The following SLC24A2 variants were observed in gnomAD, a reference collection of about 807,000 sequenced individuals.
SLC24A2 encodes solute carrier family 24 member 2.
In SLC24A2, 36 loss-of-function variants were observed where a neutral mutation model predicts 62.0. That is an observed-to-expected ratio of 0.58 (90% CI 0.44 to 0.77). The LOEUF (loss-of-function observed/expected upper bound fraction) is 0.77. SLC24A2 is among the 30% of genes least tolerant of loss of function. The probability of loss-of-function intolerance (pLI) is 0.00; values close to 1 mark genes in which losing one functional copy is unlikely to be tolerated. For missense variants in SLC24A2, 846 were observed against 817.9 expected, an observed-to-expected ratio of 1.03 and a Z score of -0.42; for synonymous variants, 358 against 294.0, an observed-to-expected ratio of 1.22 and a Z score of -2.23.
At chr9:19,921,112 T>C in the SLC24A2 span, among the ~76,000 whole-genome samples, 1 of 151,348 alleles carries the variant, frequency 6.6e-6, no homozygotes, top group Non-Finnish European at 1.5e-5. Flanking sequence ...ATCATCAACC[T>C]GCCACCAACA....
chr9:20,293,919 C>G, the SLC24A2 span, among the ~76,000 whole-genome samples: 1 of 152,150 alleles, frequency 6.6e-6, no homozygotes, highest in Non-Finnish European at 1.5e-5. Context: ...AGGCTCCACA[C>G]AAGAAGGATG....
At chr9:19,607,363 G>C (rs1212325536) in intron 4 of SLC24A2, among the ~76,000 whole-genome samples, 1 of 152,072 alleles carries the variant, frequency 6.6e-6, no homozygotes, top group African/African-American at 2.4e-5. Flanking sequence ...CTAATTTTAT[G>C]GATACTTCAT....
chr9:20,000,792 A>G, the SLC24A2 span, among the ~76,000 whole-genome samples: 1 of 152,208 alleles, frequency 6.6e-6, no homozygotes, highest in South Asian at 2.1e-4. Context: ...AGTTAACAGT[A>G]AAATGTGAGA....
At chr9:19,553,606 A>G (rs908368327) in intron 7 of SLC24A2, among the ~76,000 whole-genome samples, 76 of 152,162 alleles carry the variant, frequency 5.0e-4, no homozygotes, top group African/African-American at 1.8e-3. Flanking sequence ...AGAACTTAAA[A>G]GAGTCAGTGC....
chr9:20,207,688 T>C, the SLC24A2 span, among the ~76,000 whole-genome samples: 2 of 152,244 alleles, frequency 1.3e-5, no homozygotes, highest in Non-Finnish European at 2.9e-5. Flanking sequence ...ATGCTTTATA[T>C]CCATGATGTT....
intron 2 of SLC24A2, among the ~76,000 whole-genome samples, chr9:19,661,940 G>T (rs1174285136): frequency 6.6e-6 from 1 of 152,140 alleles, no homozygotes; most frequent in Non-Finnish European, 1.5e-5. Context: ...AATAGACATT[G>T]CACATTCCAC....
At chr9:20,206,778 C>T in the SLC24A2 span, among the ~76,000 whole-genome samples, 27 of 152,026 alleles carry the variant, frequency 1.8e-4, no homozygotes, top group Admixed American at 8.5e-4. Context: ...TTCGCCTGGC[C>T]GCTTTATTAC....
At chr9:19,885,875 T>C in the SLC24A2 span, among the ~76,000 whole-genome samples, 1 of 152,158 alleles carries the variant, frequency 6.6e-6, no homozygotes, top group African/African-American at 2.4e-5. Context: ...CTGTGTCACT[T>C]TGCTAAAGAT....
At chr9:20,303,554 A>C in the SLC24A2 span, among the ~76,000 whole-genome samples, 1 of 152,186 alleles carries the variant, frequency 6.6e-6, no homozygotes, top group African/African-American at 2.4e-5. Context: ...GATAGCCCCC[A>C]GCCCATACAG....
intron 4 of SLC24A2, among the ~76,000 whole-genome samples, chr9:19,613,097 T>C (rs564031375): frequency 3.9e-5 from 6 of 152,180 alleles, no homozygotes; most frequent in Non-Finnish European, 8.8e-5. Context: ...CTATTGCCAA[T>C]AGTGATAATG....
chr9:19,580,326 C>T (rs958024457), intron 5 of SLC24A2, among the ~76,000 whole-genome samples: 55 of 152,252 alleles, frequency 3.6e-4, no homozygotes, highest in African/African-American at 1.3e-3. Context: ...AGAAAGGCTG[C>T]AGTTGAGGGC....
intron 2 of SLC24A2, among the ~76,000 whole-genome samples, chr9:19,661,702 G>A (rs1410955144): frequency 6.6e-6 from 1 of 152,094 alleles, no homozygotes; most frequent in African/African-American, 2.4e-5. Context: ...CTTTAATCAT[G>A]GTTGGGATTT....
intron 2 of SLC24A2, among the ~76,000 whole-genome samples, chr9:19,697,620 G>C (rs1240201622): frequency 6.6e-6 from 1 of 152,110 alleles, no homozygotes; most frequent in Non-Finnish European, 1.5e-5. Flanking sequence ...CACTGGCTTA[G>C]CTAAAATTAT....
At chr9:19,895,229 G>GTT in the SLC24A2 span, among the ~76,000 whole-genome samples, 3 of 139,616 alleles carry the variant, frequency 2.1e-5, no homozygotes, top group African/African-American at 2.6e-5. Flanking sequence ...GGTTTATTTT[G>GTT]TTTTTTTTTT....
chr9:20,273,561 G>A, the SLC24A2 span, among the ~76,000 whole-genome samples: 3 of 152,094 alleles, frequency 2.0e-5, no homozygotes, highest in Admixed American at 6.5e-5. Flanking sequence ...TGTTAAAAAC[G>A]AGAGTTTCTC....
At chr9:20,288,342 G>C in the SLC24A2 span, among the ~76,000 whole-genome samples, 1 of 152,000 alleles carries the variant, frequency 6.6e-6, no homozygotes, top group African/African-American at 2.4e-5. Context: ...TTATAAGGTG[G>C]CATCAACACT....
At chr9:19,898,996 C>CCACTAGGCACAGACACCA in the SLC24A2 span, among the ~76,000 whole-genome samples, 9 of 152,166 alleles carry the variant, frequency 5.9e-5, no homozygotes, top group Admixed American at 3.3e-4. Context: ...GCTGCAGCTA[C>CCACTAGGCACAGACACCA]CACTAGGCAC....
At chr9:20,090,629 CAA>C in the SLC24A2 span, among the ~76,000 whole-genome samples, 1 of 152,050 alleles carries the variant, frequency 6.6e-6, no homozygotes, top group South Asian at 2.1e-4. Flanking sequence ...GCCGTGAAAC[CAA>C]AGACAAGGGA....
chr9:19,763,308 T>G (rs1272027290), intron 2 of SLC24A2, among the ~76,000 whole-genome samples: 1 of 152,208 alleles, frequency 6.6e-6, no homozygotes, highest in African/African-American at 2.4e-5. Context: ...TACCCTTTGT[T>G]TCTTTCTCTT....
Sources: gnomAD v4.1 joint callset for allele counts (sites outside exome capture counted in the v4.1 genomes callset) on GRCh38, gnomAD v4.1.1 for gene constraint, MANE v1.5 for transcripts, NCBI Gene and HGNC (gene_info 2026-07-23, HGNC 2026-07-21) for gene names.